Variants in MICAL2 observed in about 807,000 individuals in gnomAD.
MICAL2 encodes the protein [F-actin]-monooxygenase MICAL2.
MICAL2 carries 77 observed loss-of-function variants against 127.3 expected under a neutral mutation model. The ratio of observed to expected loss-of-function variants is 0.60; its 90% CI spans 0.50 to 0.73. MICAL2 has a LOEUF of 0.73. Ranked by LOEUF, MICAL2 falls within the 30% of genes least tolerant of loss-of-function variation. The pLI is 0.00. For synonymous variants in MICAL2, 570 were observed against 551.1 expected, an observed-to-expected ratio of 1.03 and a Z score of -0.48; for missense variants, 1,351 against 1,434.4, an observed-to-expected ratio of 0.94 and a Z score of 0.94.
intron 29 of MICAL2, among the ~76,000 whole-genome samples, chr11:12,310,964 T>C (rs1864167127): frequency 6.6e-6 from 1 of 152,160 alleles, no homozygotes; most frequent in Admixed American, 6.5e-5. Flanking sequence ...TCTTGATTTC[T>C]TTTTCAGAAA....
At chr11:12,262,757 AC>A in intron 27 of MICAL2, 1 of 530,654 alleles carries the variant, frequency 1.9e-6, no homozygotes, top group Non-Finnish European at 3.4e-6. Context: ...AGCCTGGTCT[AC>A]CCCAAGTGCA....
downstream of MICAL2, chr11:12,359,152 G>T (rs1049579735): frequency 1.6e-4 from 25 of 152,270 alleles, no homozygotes; most frequent in African/African-American, 6.0e-4. Context: ...AAGAAGAAAA[G>T]AAAAAAGGAA....
intron 34 of MICAL2, among the ~76,000 whole-genome samples, chr11:12,357,137 C>A (rs548818077): frequency 1.2e-4 from 19 of 152,282 alleles, no homozygotes; most frequent in Admixed American, 1.2e-3. Flanking sequence ...CTTCCTGGCC[C>A]AGACCTCAGA....
intron 1 of MICAL2, among the ~76,000 whole-genome samples, chr11:12,129,210 G>T (rs1208141298): frequency 6.6e-6 from 1 of 152,162 alleles, no homozygotes; most frequent in East Asian, 1.9e-4. Flanking sequence ...CAAAAGAAGT[G>T]ATTCTTGGTT....
chr11:12,214,439 G>A (rs1855894604), intron 7 of MICAL2, among the ~76,000 whole-genome samples: 1 of 152,102 alleles, frequency 6.6e-6, no homozygotes, highest in South Asian at 2.1e-4. Flanking sequence ...ACACTCTTTA[G>A]TCAGCTTTTC....
In MICAL2 at chr11:12,226,245, T is replaced by A; in HGVS notation, c.1763T>A (p.Phe588Tyr). 6.2e-7 allele frequency: 1 copy of A among 1,614,244 alleles called. No individual in the cohort carries two copies. The highest frequency in any genetic ancestry group is 8.5e-7 in the Non-Finnish European group (1 of 1,180,048). ...GCATTTGATGTGGCCGAGCGAGAGT[T>A]TGGGATCCCTCCAGTGACCACGGGC... is the stretch of plus-strand genomic sequence containing the variant. ...QLAFDVAERE[F>Y]GIPPVTTGKE... is the part of the protein sequence containing the mutation. Residue 588 changes from phenylalanine to tyrosine, a missense_variant, in exon 14 of 28, where the codon TTT becomes TAT. Coordinates refer to ENST00000683283, the MANE Select transcript of MICAL2 (RefSeq NM_001282663.2).
At chr11:12,343,740 G>A (rs1463040555) in intron 32 of MICAL2, among the ~76,000 whole-genome samples, 2 of 152,180 alleles carry the variant, frequency 1.3e-5, no homozygotes, top group Non-Finnish European at 2.9e-5. Flanking sequence ...GGAAGGATAG[G>A]CCCAGTGCAT....
intron 3 of MICAL2, among the ~76,000 whole-genome samples, chr11:12,193,499 G>A (rs147986791): frequency 6.6e-6 from 1 of 152,328 alleles, no homozygotes; most frequent in East Asian, 1.9e-4. Context: ...GATAGGATCA[G>A]CCTTGTCTGT....
chr11:12,312,776 C>T (rs895752624), intron 29 of MICAL2, among the ~76,000 whole-genome samples: 14 of 152,280 alleles, frequency 9.2e-5, no homozygotes, highest in Non-Finnish European at 5.9e-5. Flanking sequence ...TGGGGAAACC[C>T]AGCAAGGCCT....
At chr11:12,208,735 T>C (rs1855050583) in intron 5 of MICAL2, among the ~76,000 whole-genome samples, 1 of 152,274 alleles carries the variant, frequency 6.6e-6, no homozygotes, top group African/African-American at 2.4e-5. Flanking sequence ...TCAGAGAGTT[T>C]ATTCAGGATG....
chr11:12,310,886 C>T (rs1293611659), intron 29 of MICAL2, among the ~76,000 whole-genome samples: 1 of 151,780 alleles, frequency 6.6e-6, no homozygotes, highest in African/African-American at 2.4e-5. Context: ...AGATCTTTCA[C>T]TTCTTTGGTT....
chr11:12,127,812 G>T (rs773718094), intron 1 of MICAL2, among the ~76,000 whole-genome samples: 12 of 152,154 alleles, frequency 7.9e-5, no homozygotes, highest in Non-Finnish European at 8.8e-5. Context: ...TGAGACAGGG[G>T]AGCAGAGATT....
Position 12,242,452 on chromosome 11 carries a change from C to G in MICAL2, c.2556+20C>G. ...CTCCAGGTGAGAGACTCACTTTTTG[C>G]CCGTCTCTGTCCGTGTCTGGGTGAC... On this transcript the variant is annotated intron_variant, in intron 19 of 27. Transcript: ENST00000683283. The G allele has an allele frequency of 6.3e-7, 1 of 1,585,140 alleles. No homozygotes were observed. The highest frequency in any genetic ancestry group is 1.3e-5 in the African/African-American group (1 of 74,232).
intron 3 of MICAL2, among the ~76,000 whole-genome samples, chr11:12,200,511 ATTAATC>A (rs1353999070): frequency 6.6e-6 from 1 of 152,202 alleles, no homozygotes; most frequent in Non-Finnish European, 1.5e-5. Context: ...GAGTTCCCAT[ATTAATC>A]ACAGCAAGTG....
intron 2 of MICAL2, among the ~76,000 whole-genome samples, chr11:12,281,655 C>G (rs1411032816): frequency 6.6e-6 from 1 of 152,176 alleles, no homozygotes; most frequent in Admixed American, 6.5e-5. Context: ...GGACTTTTCC[C>G]ATACGTGTGG....
intron 24 of MICAL2, among the ~76,000 whole-genome samples, chr11:12,269,465 CT>C (rs1019591723): frequency 7.2e-5 from 11 of 152,346 alleles, no homozygotes; most frequent in Middle Eastern, 3.4e-3. Flanking sequence ...CCCTGATACT[CT>C]GGAGCCTGCA....
At chr11:12,235,025 C>T (rs571786204) in intron 15 of MICAL2, among the ~76,000 whole-genome samples, 4 of 152,248 alleles carry the variant, frequency 2.6e-5, no homozygotes, top group African/African-American at 9.6e-5. Context: ...CCTGCAGAAG[C>T]GATCTATGGT....
chr11:12,346,022 A>G (rs1020588070), intron 32 of MICAL2, among the ~76,000 whole-genome samples: 12 of 152,360 alleles, frequency 7.9e-5, no homozygotes, highest in Admixed American at 2.6e-4. Flanking sequence ...ACTGTTTTCC[A>G]TCTTCCTCCA....
intron 2 of MICAL2, among the ~76,000 whole-genome samples, chr11:12,138,787 G>C (rs746717471): frequency 1.3e-5 from 2 of 152,172 alleles, no homozygotes; most frequent in Non-Finnish European, 2.9e-5. Flanking sequence ...CACATCACAG[G>C]TGACCAACAG....
Sources: allele counts gnomAD v4.1 joint callset (sites outside exome capture counted in the v4.1 genomes callset), GRCh38; gene constraint gnomAD v4.1.1; transcripts MANE v1.5; gene names NCBI Gene and HGNC (gene_info 2026-07-23, HGNC 2026-07-21).